Variants in CCDC15 observed in about 807,000 individuals in gnomAD.
CCDC15 encodes coiled-coil domain containing 15, also known as coiled-coil domain-containing protein 15.
Under a neutral mutation model 114.5 loss-of-function variants are expected in CCDC15, and 105 were observed. The observed-to-expected ratio is 0.92, with a 90% confidence interval of 0.78 to 1.08. The LOEUF is 1.08. CCDC15 is among the 50% of genes least tolerant of loss of function. The pLI is 0.00. For missense variants in CCDC15, 1,105 were observed against 1,093.6 expected (o/e 1.01, Z -0.15); for synonymous variants, 334 against 377.8 (o/e 0.88, Z 1.34).
At chr11:125,008,635 G>A (rs936182748) in intron 13 of CCDC15, among the ~76,000 whole-genome samples, 3 of 152,116 alleles carry the variant, frequency 2.0e-5, no homozygotes, top group Non-Finnish European at 4.4e-5. Context: ...GATGTTAGCT[G>A]TACATTTTTT....
rs1475646114 is a variant in CCDC15, at chr11:125,041,407, C to T, written c.*696C>T. The T allele has an allele frequency of 6.6e-6, 1 of 151,910 alleles. No homozygotes were observed. The highest frequency in any genetic ancestry group is 2.4e-5 in the African/African-American group (1 of 41,360). 9.4% of individuals were successfully genotyped at this position (151,910 alleles called of 1,614,324 possible). A position where few individuals can be genotyped will look rare whatever the true frequency, so the allele number is the denominator to read the frequency against. On this transcript the variant is annotated 3_prime_UTR_variant, in exon 16 of 16. Transcript: ENST00000344762. ...AATCTGAAGTCAAAGTGAGTAAATT[C>T]CTTATTTCCCTATTTTTTAAAAACC...
chr11:124,978,264 G>A (rs554250756), intron 6 of CCDC15, among the ~76,000 whole-genome samples: 3 of 152,270 alleles, frequency 2.0e-5, no homozygotes, highest in Admixed American at 6.5e-5. Context: ...GTCTGCTGTT[G>A]ATGGGCATTT....
At chr11:125,023,546 G>A (rs2135537070) in intron 13 of CCDC15, among the ~76,000 whole-genome samples, 1 of 152,052 alleles carries the variant, frequency 6.6e-6, no homozygotes, top group East Asian at 1.9e-4. Flanking sequence ...ATGAAAAGAT[G>A]CTCAAATCAT....
chr11:124,968,063 G>T (rs925550037), intron 4 of CCDC15, among the ~76,000 whole-genome samples: 5 of 152,198 alleles, frequency 3.3e-5, no homozygotes, highest in Non-Finnish European at 7.3e-5. Flanking sequence ...TGAGGTGTCA[G>T]TCGGTCCCTA....
At chr11:125,004,470 A>G (rs950408611) in intron 12 of CCDC15, among the ~76,000 whole-genome samples, 1 of 152,050 alleles carries the variant, frequency 6.6e-6, no homozygotes, top group Non-Finnish European at 1.5e-5. Flanking sequence ...ATTAAGAGCT[A>G]CTATTTAGAA....
chr11:124,999,513 C>G (rs1462896272), intron 11 of CCDC15, among the ~76,000 whole-genome samples: 1 of 151,520 alleles, frequency 6.6e-6, no homozygotes, highest in Non-Finnish European at 1.5e-5. Flanking sequence ...TATATTGATC[C>G]AATAGATTCA....
At position 125,040,659 on chromosome 11, in the gene CCDC15, T is replaced by G; in HGVS notation, c.2804T>G (p.Val935Gly). 6.2e-7 allele frequency: 1 copy of G among 1,612,116 alleles called. No homozygotes were observed. Among genetic ancestry groups the G allele is most frequent in the Non-Finnish European group, 8.5e-7 (1 of 1,178,942 alleles). Residue 935 changes from valine to glycine, a missense_variant, in exon 16 of 16, where the codon GTC (valine) becomes GGC (glycine). By Grantham distance (109) the Val-to-Gly change is moderately radical (BLOSUM62 -3). Coordinates refer to ENST00000344762, the MANE Select transcript of CCDC15 (RefSeq NM_025004.3). The part of the protein sequence containing the change: ...DVPGGNSTLR[V>G]AIHNFASAHR... ...CCTGGGGGTAATTCAACTCTTCGAG[T>G]CGCAATTCATAATTTTGCTTCTGCA...
At chr11:125,031,781 G>A (rs912396711) in intron 13 of CCDC15, among the ~76,000 whole-genome samples, 2 of 152,178 alleles carry the variant, frequency 1.3e-5, no homozygotes, top group Admixed American at 6.5e-5. Flanking sequence ...AGAGCAGCTC[G>A]CACAGCAGCC....
At chr11:125,005,691 A>G (rs1050104204) in intron 13 of CCDC15, among the ~76,000 whole-genome samples, 3 of 151,978 alleles carry the variant, frequency 2.0e-5, no homozygotes, top group Admixed American at 6.5e-5. Flanking sequence ...CTTCCCTAAA[A>G]TCCTCTGTGC....
At chr11:124,988,158 AC>A (rs1565368688) in intron 8 of CCDC15, 24 bp downstream of exon 8, 1 of 1,584,054 alleles carries the variant, frequency 6.3e-7, no homozygotes, top group Admixed American at 1.9e-5. Flanking sequence ...GAAAGGAGAT[AC>A]AAAAAGAAGA....
intron 15 of CCDC15, chr11:125,039,378 T>G (rs1948800286): frequency 8.0e-6 from 2 of 249,256 alleles, no homozygotes; most frequent in Non-Finnish European, 1.5e-5. Flanking sequence ...AAGTTAGGAC[T>G]CTATCCAGTT....
chr11:125,022,485 G>T (rs1306455421), intron 13 of CCDC15, among the ~76,000 whole-genome samples: 2 of 151,916 alleles, frequency 1.3e-5, no homozygotes, highest in Non-Finnish European at 2.9e-5. Flanking sequence ...GTTTAAAGTG[G>T]CTTTGTCACT....
intron 13 of CCDC15, among the ~76,000 whole-genome samples, chr11:125,022,351 T>C (rs1322165191): frequency 2.0e-5 from 3 of 151,962 alleles, no homozygotes; most frequent in Non-Finnish European, 4.4e-5. Context: ...ATTACAACTT[T>C]ATGTTGTTTT....
At chr11:125,000,188 A>G (rs1161402260) in intron 11 of CCDC15, among the ~76,000 whole-genome samples, 4 of 151,180 alleles carry the variant, frequency 2.6e-5, no homozygotes, top group Middle Eastern at 3.4e-3. Context: ...GTATTTTGAG[A>G]CTCTGGTTTC....
At chr11:124,978,977 T>C (rs761667505) in intron 6 of CCDC15, among the ~76,000 whole-genome samples, 1 of 152,132 alleles carries the variant, frequency 6.6e-6, no homozygotes, top group Non-Finnish European at 1.5e-5. Context: ...TTTTTATATA[T>C]GGCATAAGGA....
intron 13 of CCDC15, among the ~76,000 whole-genome samples, chr11:125,031,441 A>G (rs1216278139): frequency 6.6e-6 from 1 of 152,170 alleles, no homozygotes; most frequent in Admixed American, 6.5e-5. Flanking sequence ...CTGATCACAT[A>G]TATACCCTTC....
chr11:125,037,920 GTT>G (rs201886134), intron 13 of CCDC15, among the ~76,000 whole-genome samples: 1 of 115,134 alleles, frequency 8.7e-6, no homozygotes. Flanking sequence ...CAGAAAAACT[GTT>G]TTTTTTTTTT....
At chr11:124,958,549 G>A (rs1390572871) in intron 2 of CCDC15, among the ~76,000 whole-genome samples, 2 of 152,028 alleles carry the variant, frequency 1.3e-5, no homozygotes. Flanking sequence ...TGCCGTAGGG[G>A]AAATAAAGGA....
chr11:125,006,373 G>A (rs1948552026), intron 13 of CCDC15, among the ~76,000 whole-genome samples: 1 of 152,122 alleles, frequency 6.6e-6, no homozygotes. Context: ...TTGGTGATGT[G>A]TCTGTTCATT....
Sources: gnomAD v4.1 joint callset for allele counts (sites outside exome capture counted in the v4.1 genomes callset) on GRCh38, gnomAD v4.1.1 for gene constraint, MANE v1.5 for transcripts, NCBI Gene and HGNC (gene_info 2026-07-23, HGNC 2026-07-21) for gene names.